NT5DC1: variants seen among roughly 807,000 people sequenced by gnomAD.
The protein encoded by NT5DC1 is 5'-nucleotidase domain containing 1.
A neutral mutation model predicts 59.4 loss-of-function variants in NT5DC1; 42 were observed. That is an observed-to-expected ratio of 0.71 (90% confidence interval 0.55 to 0.92). NT5DC1 has a LOEUF of 0.92. Ranked by LOEUF, NT5DC1 falls within the 40% of genes least tolerant of loss-of-function variation. The pLI is 0.00. For missense variants in NT5DC1, 501 were observed against 537.1 expected (o/e 0.93, Z 0.66); for synonymous variants, 172 against 188.1 (o/e 0.91, Z 0.70).
intron 6 of NT5DC1, among the ~76,000 whole-genome samples, chr6:116,130,490 T>C (rs577338301): frequency 7.9e-5 from 12 of 151,850 alleles, no homozygotes; most frequent in Non-Finnish European, 1.8e-4. Context: ...TTTGTACCTT[T>C]CGTGGCCCAG....
At position 116,248,344 on chromosome 6, in the gene NT5DC1, G is replaced by C. The variant is rs1267668248; in HGVS notation, c.*4320G>C. ...GCCTGACATATCTCAGATCTTTTGA[G>C]GAGATTGTGAAGCCAGGGAATAAGT... On this transcript the variant is annotated 3_prime_UTR_variant, in exon 12 of 12. Transcript: ENST00000319550. The C allele has an allele frequency of 6.6e-6, 1 of 152,188 alleles. No individual in the cohort carries two copies. The highest frequency in any genetic ancestry group is 1.9e-4 in the East Asian group (1 of 5,198). 9.4% of individuals were successfully genotyped at this position (152,188 alleles called of 1,614,324 possible).
intron 9 of NT5DC1, chr6:116,237,506 G>A (rs550592962): frequency 5.7e-5 from 26 of 457,454 alleles, no homozygotes; most frequent in Non-Finnish European, 1.0e-4. Flanking sequence ...TGGGGTAACA[G>A]AGCCCTGCTC....
chr6:116,151,117 G>A (rs1780027198), intron 6 of NT5DC1, among the ~76,000 whole-genome samples: 1 of 152,008 alleles, frequency 6.6e-6, no homozygotes, highest in Admixed American at 6.5e-5. Context: ...GCTCCTAATT[G>A]CAATTTGTAT....
chr6:116,129,116 A>G (rs1779399590), intron 6 of NT5DC1, among the ~76,000 whole-genome samples: 1 of 152,094 alleles, frequency 6.6e-6, no homozygotes. Context: ...TCCAGAAGAG[A>G]AGGAGTCTTT....
chr6:116,243,819 TAA>T (rs1456068490), intron 11 of NT5DC1, 88 bp from the exon 12 acceptor site: 10 of 553,442 alleles, frequency 1.8e-5, no homozygotes, highest in Non-Finnish European at 3.2e-5. Context: ...GTCTAAAAAA[TAA>T]GTTTTATTAG....
intron 8 of NT5DC1, among the ~76,000 whole-genome samples, chr6:116,224,165 A>C (rs1781863727): frequency 6.6e-6 from 1 of 152,170 alleles, no homozygotes; most frequent in Non-Finnish European, 1.5e-5. Flanking sequence ...TAAAATTTAA[A>C]ATTTCCCAAA....
chr6:116,154,588 G>A (rs960521739), intron 6 of NT5DC1, among the ~76,000 whole-genome samples: 3 of 152,248 alleles, frequency 2.0e-5, no homozygotes, highest in African/African-American at 7.2e-5. Flanking sequence ...AGAACAGTGA[G>A]GTGGTGTTTA....
At chr6:116,150,813 A>G (rs1780020353) in intron 6 of NT5DC1, among the ~76,000 whole-genome samples, 1 of 152,232 alleles carries the variant, frequency 6.6e-6, no homozygotes, top group Admixed American at 6.5e-5. Context: ...TTGGAGTCTT[A>G]TATATCTAGT....
At chr6:116,239,250 A>G in intron 11 of NT5DC1, 127 bp downstream of exon 11, 1 of 723,922 alleles carries the variant, frequency 1.4e-6, no homozygotes, top group Admixed American at 3.0e-5. Context: ...AAAATCTTCT[A>G]GATATGGAAC....
intron 6 of NT5DC1, among the ~76,000 whole-genome samples, chr6:116,199,199 C>A (rs1781296290): frequency 6.6e-6 from 1 of 152,140 alleles, no homozygotes; most frequent in Admixed American, 6.5e-5. Flanking sequence ...CCAGTTGTTT[C>A]TTCTAGATAG....
intron 6 of NT5DC1, among the ~76,000 whole-genome samples, chr6:116,149,508 T>C (rs1562139449): frequency 6.6e-6 from 1 of 152,198 alleles, no homozygotes; most frequent in South Asian, 2.1e-4. Context: ...AACTTGAGTC[T>C]GAGACAGAGC....
chr6:116,239,353 A>G (rs1049048972), intron 11 of NT5DC1, among the ~76,000 whole-genome samples: 4 of 152,196 alleles, frequency 2.6e-5, no homozygotes, highest in African/African-American at 9.7e-5. Flanking sequence ...TTATAAAATT[A>G]GGGAAAGAGT....
intron 8 of NT5DC1, among the ~76,000 whole-genome samples, chr6:116,235,483 C>A (rs1782097878): frequency 6.6e-6 from 1 of 152,110 alleles, no homozygotes; most frequent in Non-Finnish European, 1.5e-5. Context: ...ATTTATTGAA[C>A]ATAAGCTGCT....
intron 6 of NT5DC1, among the ~76,000 whole-genome samples, chr6:116,207,973 T>G (rs1327520739): frequency 1.3e-5 from 2 of 151,972 alleles, no homozygotes; most frequent in African/African-American, 4.8e-5. Flanking sequence ...TCTGTTAGGC[T>G]ACCTACTACA....
At chr6:116,220,241 T>C (rs1582880231) in intron 6 of NT5DC1, among the ~76,000 whole-genome samples, 1 of 151,366 alleles carries the variant, frequency 6.6e-6, no homozygotes, top group African/African-American at 2.4e-5. Flanking sequence ...GAGAACAGTA[T>C]GTGTTATGAA....
Position 116,239,089 on chromosome 6 carries a change from C to T in NT5DC1, c.1218C>T (p.Ser406=). 1 of 1,611,804 alleles carries T rather than the reference C, an allele frequency of 6.2e-7. No individual in the cohort carries two copies. Among genetic ancestry groups the T allele is most frequent in the Admixed American group, 1.7e-5 (1 of 59,864 alleles). ...TWSCKRISTY[S]TIAIPSIEAI... ...CTTGTAAGAGAATCAGTACTTACAG[C>T]ACTATTGCAATTCCAAGTATTGAAG... The change falls in exon 11 of 12, where the codon AGC becomes AGT. Residue 406 remains serine (S), a synonymous_variant. Coordinates refer to ENST00000319550, the MANE Select transcript of NT5DC1 (RefSeq NM_152729.3).
At chr6:116,216,759 T>C (rs981730022) in intron 6 of NT5DC1, among the ~76,000 whole-genome samples, 1 of 152,154 alleles carries the variant, frequency 6.6e-6, no homozygotes, top group Non-Finnish European at 1.5e-5. Context: ...AATAAATTTA[T>C]CTCTTTTATC....
At position 116,110,894 on chromosome 6, in the gene NT5DC1, AGGCATAT is replaced by A. The variant is rs1778862166; in HGVS notation, c.307_313del (p.Tyr103ArgfsTer42). On this transcript the variant is annotated frameshift_variant, in exon 4 of 12. Transcript: ENST00000319550. LOFTEE classifies it high-confidence loss of function. ...ATGATGACTCCAGAGGTGCTGGCAGAGGCATATGGCAAGAAAGAGTGGAAGCACTTCT... is the reference window on the plus strand; with the variant it reads ...ATGATGACTCCAGAGGTGCTGGCAGAGGCAAGAAAGAGTGGAAGCACTTCT... The A allele has an allele frequency of 1.2e-6, 2 of 1,614,044 alleles. No homozygotes were observed. The highest frequency in any genetic ancestry group is 2.7e-5 in the African/African-American group (2 of 74,946).
chr6:116,211,367 G>A (rs559354472), intron 6 of NT5DC1, among the ~76,000 whole-genome samples: 26 of 151,922 alleles, frequency 1.7e-4, no homozygotes, highest in Non-Finnish European at 2.8e-4. Flanking sequence ...TGTTTGAGGT[G>A]GTTTGTTGTG....
Sources: gnomAD v4.1 joint callset for allele counts (sites outside exome capture counted in the v4.1 genomes callset) on GRCh38, gnomAD v4.1.1 for gene constraint, MANE v1.5 for transcripts, NCBI Gene and HGNC (gene_info 2026-07-23, HGNC 2026-07-21) for gene names.